CPB2: variants seen among roughly 807,000 people sequenced by gnomAD.
CPB2 encodes carboxypeptidase B2.
Under a neutral mutation model 57.0 loss-of-function variants are expected in CPB2, and 54 were observed. The ratio of observed to expected loss-of-function variants is 0.95; its 90% confidence interval spans 0.76 to 1.19. The LOEUF is 1.19. CPB2 is among the 50% of genes most tolerant of loss of function. The pLI is 0.00. For missense variants in CPB2, 426 were observed against 512.0 expected (o/e 0.83, Z 1.62); for synonymous variants, 189 against 178.1 (o/e 1.06, Z -0.49).
At chr13:46,080,920 C>CA (rs574375333) in intron 4 of CPB2, among the ~76,000 whole-genome samples, 212 of 125,542 alleles carry the variant, frequency 1.7e-3, no homozygotes, top group African/African-American at 6.3e-3. Flanking sequence ...TGCAGTGAGC[C>CA]AAAATCATGC....
intron 5 of CPB2, among the ~76,000 whole-genome samples, chr13:46,078,340 A>G (rs2045055934): frequency 6.6e-6 from 1 of 152,078 alleles, no homozygotes; most frequent in African/African-American, 2.4e-5. Context: ...GTGTTTGTCC[A>G]CTAACGAAAA....
rs2044691488 is a variant in CPB2, at chr13:46,055,911, G to C, written c.1000-62C>G. The C allele has an allele frequency of 3.1e-6, 3 of 961,090 alleles. No homozygotes were observed. In the East Asian group the frequency reaches 7.5e-5, roughly 24 times the overall value. The allele number at this position is 961,090 out of a possible 1,614,324, so 59.5% of individuals were successfully genotyped here. A position where few individuals can be genotyped will look rare whatever the true frequency, so the allele number is the denominator to read the frequency against. ...CAGCTTTGAAACATGACAAGTAGAA[G>C]TTTCTAAAAAATAATCATACATTAA... On this transcript the variant is annotated intron_variant, in intron 9 of 10. Transcript: ENST00000181383.
At chr13:46,095,645 A>T (rs2045354542) in intron 1 of CPB2, among the ~76,000 whole-genome samples, 1 of 152,200 alleles carries the variant, frequency 6.6e-6, no homozygotes, top group Admixed American at 6.5e-5. Context: ...ACACCAGTGC[A>T]TATTTACAGT....
chr13:46,070,216 C>T (rs1180693710), intron 6 of CPB2, among the ~76,000 whole-genome samples: 1 of 152,056 alleles, frequency 6.6e-6, no homozygotes, highest in Non-Finnish European at 1.5e-5. Flanking sequence ...CTACTGTAGG[C>T]TAACGTAAGT....
chr13:46,095,546 G>A (rs373651213), intron 1 of CPB2, among the ~76,000 whole-genome samples: 4 of 152,180 alleles, frequency 2.6e-5, no homozygotes, highest in Non-Finnish European at 4.4e-5. Flanking sequence ...CTTTGCCGGG[G>A]TAGAGTCTCA....
chr13:46,082,779 A>G (rs989689676), intron 3 of CPB2, among the ~76,000 whole-genome samples: 1 of 152,106 alleles, frequency 6.6e-6, no homozygotes, highest in Non-Finnish European at 1.5e-5. Context: ...TATTAGGTAT[A>G]CTTTCAGGAC....
At chr13:46,063,910 T>C (rs2044813255) in intron 8 of CPB2, among the ~76,000 whole-genome samples, 1 of 151,690 alleles carries the variant, frequency 6.6e-6, no homozygotes, top group Non-Finnish European at 1.5e-5. Flanking sequence ...AGAAAGTGAA[T>C]AGTGAAAAAA....
intron 7 of CPB2, 148 bp from the exon 8 acceptor site, chr13:46,064,889 C>A: frequency 1.5e-6 from 1 of 652,476 alleles, no homozygotes. Flanking sequence ...ACTGTTGTTG[C>A]AATATTCCTT....
chr13:46,075,616 C>T (rs2045010695), intron 5 of CPB2, among the ~76,000 whole-genome samples: 2 of 152,214 alleles, frequency 1.3e-5, no homozygotes, highest in South Asian at 4.1e-4. Context: ...TTTCATATGT[C>T]TGCCTTGAGT....
At chr13:46,076,232 T>G (rs974545648) in intron 5 of CPB2, among the ~76,000 whole-genome samples, 5 of 152,154 alleles carry the variant, frequency 3.3e-5, no homozygotes, top group African/African-American at 1.2e-4. Context: ...TGACACGATC[T>G]TATATTTAGA....
intron 9 of CPB2, among the ~76,000 whole-genome samples, 192 bp downstream of exon 9, chr13:46,057,987 G>C (rs2044719698): frequency 6.6e-6 from 1 of 152,094 alleles, no homozygotes; most frequent in Non-Finnish European, 1.5e-5. Context: ...TGTGTTGTTA[G>C]GGTAAGGCAC....
intron 1 of CPB2, among the ~76,000 whole-genome samples, chr13:46,094,114 C>T (rs1036174716): frequency 6.6e-6 from 1 of 152,190 alleles, no homozygotes; most frequent in Non-Finnish European, 1.5e-5. Flanking sequence ...ATCTCACCAG[C>T]ACATTCCTTA....
At chr13:46,099,471 G>A (rs183186459) in intron 1 of CPB2, 1 of 152,280 alleles carries the variant, frequency 6.6e-6, no homozygotes, top group East Asian at 1.9e-4. Flanking sequence ...TTAAATCACT[G>A]TAATTTCAGT....
chr13:46,063,604 T>G (rs150770237), intron 8 of CPB2, among the ~76,000 whole-genome samples: 1,961 of 152,298 alleles, frequency 0.013, 35 homozygotes, highest in African/African-American at 0.044. Flanking sequence ...ATGTCTTTGC[T>G]CTTGTGAATA....
At chr13:46,075,604 C>T (rs1445743917) in intron 5 of CPB2, among the ~76,000 whole-genome samples, 1 of 152,230 alleles carries the variant, frequency 6.6e-6, no homozygotes, top group Non-Finnish European at 1.5e-5. Flanking sequence ...GGGGACCCAA[C>T]ATTTCATATG....
At chr13:46,064,896 C>A (rs144139833) in intron 7 of CPB2, among the ~76,000 whole-genome samples, 155 bp from the exon 8 acceptor site, 1 of 152,192 alleles carries the variant, frequency 6.6e-6, no homozygotes, top group Non-Finnish European at 1.5e-5. Flanking sequence ...TTGCAATATT[C>A]CTTTGCACGG....
chr13:46,066,713 C>A (rs17844109), intron 7 of CPB2, among the ~76,000 whole-genome samples: 7,241 of 151,936 alleles, frequency 0.048, 247 homozygotes, highest in Non-Finnish European at 0.072. Flanking sequence ...GGCATGGTGG[C>A]AGGCACCCGT....
rs2044723318 is a variant in CPB2, at chr13:46,058,227, C to T, written c.951G>A (p.Val317=). ...TACTTCGTGTATAGGAATATGGAAACACTATATGCTGGGAGTATGAATGCA... is the reference window on the plus strand; with the variant it reads ...TACTTCGTGTATAGGAATATGGAAATACTATATGCTGGGAGTATGAATGCA... ...ISMHSYSQHI[V]FPYSYTRSKS... The change falls in exon 9 of 11, where the codon GTG becomes GTA. Residue 317 remains valine (V), a synonymous_variant. Coordinates refer to ENST00000181383, the MANE Select transcript of CPB2 (RefSeq NM_001872.5). 1 of 1,614,066 alleles carries T rather than the reference C, an allele frequency of 6.2e-7. No individual in the cohort carries two copies. Among genetic ancestry groups the T allele is most frequent in the Non-Finnish European group, 8.5e-7 (1 of 1,179,952 alleles).
intron 1 of CPB2, chr13:46,097,378 G>C (rs1275631157): frequency 6.6e-6 from 1 of 152,192 alleles, no homozygotes; most frequent in Non-Finnish European, 1.5e-5. Context: ...ATTCCTCATA[G>C]AGACCAGCTA....
Sources: gnomAD v4.1 joint callset for allele counts (sites outside exome capture counted in the v4.1 genomes callset) on GRCh38, gnomAD v4.1.1 for gene constraint, MANE v1.5 for transcripts, NCBI Gene and HGNC (gene_info 2026-07-23, HGNC 2026-07-21) for gene names.